SNX13: variants seen among roughly 807,000 people sequenced by gnomAD.
SNX13 encodes the protein sorting nexin-13.
A neutral mutation model predicts 133.6 loss-of-function variants in SNX13; 45 were observed. The observed-to-expected ratio is 0.34, with a 90% CI of 0.27 to 0.43. The LOEUF (loss-of-function observed/expected upper bound fraction) is 0.43, where lower values mean the gene tolerates loss of function less well. SNX13 is among the 20% of genes least tolerant of loss of function. SNX13 has a pLI of 1.00. For synonymous variants in SNX13, 414 were observed against 373.9 expected (o/e 1.11, Z -1.24); for missense variants, 1,032 against 1,145.1 (o/e 0.90, Z 1.43).
chr7:17,839,372 T>A (rs926489798), intron 13 of SNX13, among the ~76,000 whole-genome samples: 1 of 151,782 alleles, frequency 6.6e-6, no homozygotes, highest in African/African-American at 2.4e-5. Flanking sequence ...ACTATAACCG[T>A]TGAATTGTCT....
Position 17,821,603 on chromosome 7 carries a change from G to C in SNX13, c.1751C>G (p.Thr584Ser), listed in dbSNP as rs371529788. Residue 584 changes from threonine to serine, a missense_variant, in exon 18 of 26, where the codon ACT (threonine) becomes AGT (serine). Transcript: ENST00000428135. ...ACTGTTTAGGTTGCGCCGGTGTACA[G>C]TGATGGCATATAATGCATATGTCTT... ...HGKTYALYAI[T>S]VHRRNLNSEE... 28 of 1,613,554 alleles carry C rather than the reference G, an allele frequency of 1.7e-5. No homozygotes were observed. In the South Asian group the frequency reaches 1.8e-4, roughly 10 times the overall value.
intron 4 of SNX13, among the ~76,000 whole-genome samples, chr7:17,891,067 G>A: frequency 6.6e-6 from 1 of 151,822 alleles, no homozygotes; most frequent in Admixed American, 6.6e-5. Flanking sequence ...AATAATAAAT[G>A]TTAAAATTCT....
intron 1 of SNX13, among the ~76,000 whole-genome samples, chr7:17,928,138 A>C (rs1026684711): frequency 5.3e-5 from 8 of 152,336 alleles, no homozygotes; most frequent in African/African-American, 1.9e-4. Context: ...GCATGGTATT[A>C]ACACTTCATT....
intron 7 of SNX13, among the ~76,000 whole-genome samples, chr7:17,875,158 G>C (rs1794574374): frequency 6.6e-6 from 1 of 152,012 alleles, no homozygotes; most frequent in Non-Finnish European, 1.5e-5. Flanking sequence ...AGTAGAGACA[G>C]GGTTTCGCCA....
intron 16 of SNX13, among the ~76,000 whole-genome samples, chr7:17,826,371 A>G (rs942881313): frequency 6.6e-6 from 1 of 152,032 alleles, no homozygotes; most frequent in Non-Finnish European, 1.5e-5. Context: ...GTAACTTGCT[A>G]CTTTTCAATT....
chr7:17,908,774 A>G (rs1478652964), intron 1 of SNX13, among the ~76,000 whole-genome samples: 2 of 152,246 alleles, frequency 1.3e-5, no homozygotes, highest in African/African-American at 4.8e-5. Flanking sequence ...CAACATACAT[A>G]TAATTACAAA....
At chr7:17,902,491 G>A (rs1797943609) in intron 1 of SNX13, among the ~76,000 whole-genome samples, 2 of 151,976 alleles carry the variant, frequency 1.3e-5, no homozygotes, top group Non-Finnish European at 2.9e-5. Flanking sequence ...ATGTATAACT[G>A]GCTGACATTA....
intron 1 of SNX13, among the ~76,000 whole-genome samples, chr7:17,911,437 A>G (rs1214100351): frequency 1.3e-5 from 2 of 152,080 alleles, no homozygotes; most frequent in East Asian, 3.9e-4. Flanking sequence ...TCAGGAGTTC[A>G]AGACCAGACT....
intron 2 of SNX13, 81 bp downstream of exon 2, chr7:17,897,253 T>C: frequency 1.4e-6 from 1 of 700,790 alleles, no homozygotes. Flanking sequence ...AAATAAATCA[T>C]ACTCCCGTTT....
intron 1 of SNX13, among the ~76,000 whole-genome samples, chr7:17,911,851 G>C (rs568266904): frequency 1.3e-5 from 2 of 151,050 alleles, no homozygotes; most frequent in Non-Finnish European, 3.0e-5. Context: ...AAGAGAGAGA[G>C]AATCTACACA....
At chr7:17,926,051 A>G (rs1252685160) in intron 1 of SNX13, among the ~76,000 whole-genome samples, 1 of 152,222 alleles carries the variant, frequency 6.6e-6, no homozygotes, top group African/African-American at 2.4e-5. Flanking sequence ...AAAAAGTGAC[A>G]TAATATCAGC....
intron 11 of SNX13, among the ~76,000 whole-genome samples, chr7:17,847,403 C>G (rs1446200963): frequency 6.6e-6 from 1 of 152,166 alleles, no homozygotes; most frequent in Non-Finnish European, 1.5e-5. Flanking sequence ...GCCATCTCAG[C>G]TCACCGCAAC....
chr7:17,936,220 T>C (rs564393365), intron 1 of SNX13, among the ~76,000 whole-genome samples: 1 of 152,326 alleles, frequency 6.6e-6, no homozygotes, highest in South Asian at 2.1e-4. Context: ...CCTATTAACT[T>C]TCTTTAGGCA....
At chr7:17,901,531 C>T (rs1797841847) in intron 1 of SNX13, among the ~76,000 whole-genome samples, 1 of 152,150 alleles carries the variant, frequency 6.6e-6, no homozygotes, top group Admixed American at 6.5e-5. Flanking sequence ...CCAAATGCTT[C>T]ATCCATAGGC....
intron 1 of SNX13, among the ~76,000 whole-genome samples, chr7:17,915,291 C>G (rs1562518402): frequency 6.6e-6 from 1 of 152,188 alleles, no homozygotes; most frequent in Non-Finnish European, 1.5e-5. Context: ...CCTGAATACT[C>G]TGCAGCTGCA....
intron 9 of SNX13, among the ~76,000 whole-genome samples, 193 bp from the exon 10 acceptor site, chr7:17,851,157 C>T (rs1332983529): frequency 1.3e-5 from 2 of 152,204 alleles, no homozygotes; most frequent in Non-Finnish European, 2.9e-5. Context: ...AAGTATTATA[C>T]AGCATGTTTG....
intron 12 of SNX13, among the ~76,000 whole-genome samples, chr7:17,841,553 TACACAC>T (rs71553704): frequency 1.3e-4 from 18 of 143,074 alleles, no homozygotes; most frequent in South Asian, 6.8e-4. Context: ...CAGTTATTCA[TACACAC>T]ACACACACAC....
At chr7:17,895,918 T>G (rs1432153362) in intron 2 of SNX13, among the ~76,000 whole-genome samples, 1 of 152,154 alleles carries the variant, frequency 6.6e-6, no homozygotes. Flanking sequence ...TATTGGGAAA[T>G]ACTCTGAAAT....
chr7:17,912,767 T>A lies in SNX13; in HGVS notation c.13-15321A>T, dbSNP rs145970797. Among the ~76,000 whole-genome samples the A allele has an allele frequency of 1.3e-3, 191 of 152,240 alleles. 1 individual carries two copies. Among genetic ancestry groups the A allele is most frequent in the African/African-American group, 4.3e-3 (180 of 41,558 alleles). ...CAAAGTAAGTCACTGTTTGGCAACC[T>A]GGCAGCAGCAGCCATTGCAGGCATT... On this transcript the variant is annotated intron_variant, in intron 1 of 25. Coordinates refer to ENST00000428135, the MANE Select transcript of SNX13 (RefSeq NM_015132.5).
Sources: gnomAD v4.1 joint callset for allele counts (sites outside exome capture counted in the v4.1 genomes callset) on GRCh38, gnomAD v4.1.1 for gene constraint, MANE v1.5 for transcripts, NCBI Gene and HGNC (gene_info 2026-07-23, HGNC 2026-07-21) for gene names.